ADORA2B: variants seen among roughly 807,000 people sequenced by gnomAD.
The protein encoded by ADORA2B is adenosine receptor A2b.
Under a neutral mutation model 20.8 loss-of-function variants are expected in ADORA2B, and 18 were observed. That is an observed-to-expected ratio of 0.87 (90% CI 0.60 to 1.29). ADORA2B has a LOEUF of 1.29. Among genes scored for constraint, ADORA2B ranks in the 50% most tolerant of loss-of-function variants. The probability of loss-of-function intolerance (pLI) is 0.00; values close to 1 mark genes in which losing one functional copy is unlikely to be tolerated. For missense variants in ADORA2B, 441 were observed against 422.7 expected (o/e 1.04, Z -0.38); for synonymous variants, 179 against 178.3 (o/e 1.00, Z -0.03).
the ADORA2B span, among the ~76,000 whole-genome samples, chr17:15,896,191 T>A: frequency 6.6e-6 from 1 of 152,182 alleles, no homozygotes; most frequent in Non-Finnish European, 1.5e-5. Flanking sequence ...AATAGCTGCT[T>A]TAAAAATGAC....
chr17:15,967,081 G>C (rs553483392), intron 1 of ADORA2B, among the ~76,000 whole-genome samples: 1 of 152,288 alleles, frequency 6.6e-6, no homozygotes, highest in South Asian at 2.1e-4. Context: ...GGCCGAGGAG[G>C]GAGACTGGCC....
intron 1 of ADORA2B, among the ~76,000 whole-genome samples, chr17:15,946,144 G>A (rs77499840): frequency 1.3e-5 from 2 of 152,358 alleles, no homozygotes; most frequent in African/African-American, 4.8e-5. Context: ...CTGCTGCGGA[G>A]AGGCGGCCCG....
At chr17:15,924,342 C>G in the ADORA2B span, among the ~76,000 whole-genome samples, 1 of 152,152 alleles carries the variant, frequency 6.6e-6, no homozygotes, top group African/African-American at 2.4e-5. Flanking sequence ...TTAGAACTTT[C>G]ATTGTTTTGT....
the ADORA2B span, among the ~76,000 whole-genome samples, chr17:15,917,043 G>A: frequency 6.6e-6 from 1 of 152,166 alleles, no homozygotes; most frequent in Non-Finnish European, 1.5e-5. Context: ...AAACAAGGCC[G>A]GGCACAGTGG....
the ADORA2B span, among the ~76,000 whole-genome samples, chr17:15,918,574 C>T: frequency 1.3e-5 from 2 of 152,154 alleles, no homozygotes; most frequent in East Asian, 3.9e-4. Context: ...CGGATTCAAG[C>T]GATTCTCCTG....
chr17:15,924,831 C>G, the ADORA2B span, among the ~76,000 whole-genome samples: 2 of 151,654 alleles, frequency 1.3e-5, no homozygotes, highest in African/African-American at 2.4e-5. Context: ...CCCTTAGCCC[C>G]TCCAGTCTTT....
At chr17:15,936,090 T>C in the ADORA2B span, among the ~76,000 whole-genome samples, 5 of 152,076 alleles carry the variant, frequency 3.3e-5, no homozygotes, top group African/African-American at 7.2e-5. Flanking sequence ...TTGGTCAGGC[T>C]GGTCTCGAAC....
At chr17:15,859,567 T>C in the ADORA2B span, among the ~76,000 whole-genome samples, 2 of 152,108 alleles carry the variant, frequency 1.3e-5, no homozygotes, top group African/African-American at 4.8e-5. Context: ...AGGCACTTAG[T>C]TCTCTCAGCT....
At chr17:15,857,329 A>C in the ADORA2B span, among the ~76,000 whole-genome samples, 3 of 152,178 alleles carry the variant, frequency 2.0e-5, no homozygotes, top group Admixed American at 2.0e-4. Flanking sequence ...CCTCATGGAG[A>C]TCCCCTGCTA....
At chr17:15,971,628 C>CATT (rs977832362) in intron 1 of ADORA2B, among the ~76,000 whole-genome samples, 1 of 123,078 alleles carries the variant, frequency 8.1e-6, no homozygotes, top group Non-Finnish European at 1.7e-5. Flanking sequence ...TTGTAATGGC[C>CATT]ATTTTTTTTT....
chr17:15,853,399 T>G, the ADORA2B span, among the ~76,000 whole-genome samples: 1 of 152,258 alleles, frequency 6.6e-6, no homozygotes, highest in Admixed American at 6.5e-5. Context: ...TTTAAAAGAT[T>G]ATTAAAATTG....
At chr17:15,924,864 T>C in the ADORA2B span, among the ~76,000 whole-genome samples, 1 of 151,964 alleles carries the variant, frequency 6.6e-6, no homozygotes, top group Non-Finnish European at 1.5e-5. Flanking sequence ...TCTTTCTTTC[T>C]TTCTTTCTTT....
intron 1 of ADORA2B, among the ~76,000 whole-genome samples, chr17:15,958,255 T>G (rs1969994915): frequency 6.6e-6 from 1 of 152,158 alleles, no homozygotes; most frequent in Admixed American, 6.5e-5. Context: ...CAACGTCAGG[T>G]GATCTGCCCA....
chr17:15,883,022 G>A, the ADORA2B span, among the ~76,000 whole-genome samples: 2 of 133,152 alleles, frequency 1.5e-5, no homozygotes, highest in South Asian at 2.2e-4. Flanking sequence ...TCTGCACTGA[G>A]CATTTTTTCC....
At chr17:15,950,394 T>A (rs935715978) in intron 1 of ADORA2B, among the ~76,000 whole-genome samples, 4 of 152,108 alleles carry the variant, frequency 2.6e-5, no homozygotes, top group Non-Finnish European at 4.4e-5. Flanking sequence ...AAGCCACCCA[T>A]CAGTACACGA....
the ADORA2B span, among the ~76,000 whole-genome samples, chr17:15,932,348 CT>C: frequency 3.6e-3 from 552 of 152,110 alleles, 3 homozygotes; most frequent in African/African-American, 0.013. Context: ...CAAAAATTAG[CT>C]GGGTATGGTG....
At chr17:15,925,187 C>A in the ADORA2B span, among the ~76,000 whole-genome samples, 23 of 152,278 alleles carry the variant, frequency 1.5e-4, no homozygotes, top group South Asian at 4.4e-3. Context: ...AGGCGCCTGC[C>A]ACCATGCCTG....
the ADORA2B span, among the ~76,000 whole-genome samples, chr17:15,939,019 T>C: frequency 2.6e-5 from 4 of 152,158 alleles, no homozygotes; most frequent in Admixed American, 1.3e-4. Flanking sequence ...AAGTAATTGC[T>C]TCTTTCTACT....
the ADORA2B span, among the ~76,000 whole-genome samples, chr17:15,862,211 C>CTTTTTTTTTTTTTTTTT: frequency 5.2e-5 from 5 of 96,290 alleles, no homozygotes; most frequent in Non-Finnish European, 7.4e-5. Context: ...CTTTTCTTTT[C>CTTTTTTTTTTTTTTTTT]TTTTTTTTTT....
Sources: allele counts gnomAD v4.1 joint callset (sites outside exome capture counted in the v4.1 genomes callset), GRCh38; gene constraint gnomAD v4.1.1; transcripts MANE v1.5; gene names NCBI Gene and HGNC (gene_info 2026-07-23, HGNC 2026-07-21).